The following IL23R variants were observed in gnomAD, a reference collection of about 807,000 sequenced individuals.
The protein encoded by IL23R is interleukin 23 receptor.
Under a neutral mutation model 56.9 loss-of-function variants are expected in IL23R, and 34 were observed. That is an observed-to-expected ratio of 0.60 (90% CI 0.45 to 0.80). The LOEUF (loss-of-function observed/expected upper bound fraction) is 0.80, where lower values mean the gene tolerates loss of function less well. Among genes scored for constraint, IL23R ranks in the 30% least tolerant of loss-of-function variants. The pLI is 0.00. For synonymous variants in IL23R, 230 were observed against 249.2 expected, an observed-to-expected ratio of 0.92 and a Z score of 0.73; for missense variants, 635 against 730.0, an observed-to-expected ratio of 0.87 and a Z score of 1.50.
chr1:67,265,737 G>T, the IL23R span, among the ~76,000 whole-genome samples: 3 of 152,130 alleles, frequency 2.0e-5, no homozygotes, highest in Admixed American at 2.0e-4. Context: ...CAGAAAGGAA[G>T]ATAAAATCAT....
At chr1:67,144,873 A>G (rs751370151) in intron 1 of IL23R, among the ~76,000 whole-genome samples, 1 of 152,146 alleles carries the variant, frequency 6.6e-6, no homozygotes, top group Non-Finnish European at 1.5e-5. Context: ...ACTCTGATCT[A>G]TCTCTGAAAC....
At chr1:67,161,609 CTA>C (rs143977358), upstream of IL23R, among the ~76,000 whole-genome samples, 3 of 149,100 alleles carry the variant, frequency 2.0e-5, no homozygotes, top group Non-Finnish European at 3.0e-5. Context: ...AATTAAAATA[CTA>C]TATATATATA....
chr1:67,207,534 C>T (rs924552573), intron 6 of IL23R: 3 of 308,802 alleles, frequency 9.7e-6, no homozygotes, highest in African/African-American at 6.7e-5. Context: ...GGAGGCCAGT[C>T]TTTCCCACAC....
Position 67,217,731 on chromosome 1 carries a change from G to C in IL23R, c.799-1843G>C, listed in dbSNP as rs949614164. 2.7e-5 allele frequency among the ~76,000 whole-genome samples: 4 copies of C among 146,974 alleles called. No homozygotes were observed. In the East Asian group the frequency reaches 8.3e-4, roughly 31 times the overall value. On this transcript the variant is annotated intron_variant, in intron 6 of 10. Transcript: ENST00000347310. ...CAGAGTTTGAAAAATATCATTCAGA[G>C]TTTCCATAAGCCATGTCTCAATAGA...
At chr1:67,154,911 T>C (rs566200743) in intron 1 of IL23R, among the ~76,000 whole-genome samples, 3 of 152,226 alleles carry the variant, frequency 2.0e-5, no homozygotes, top group Non-Finnish European at 4.4e-5. Context: ...TGGCATGTTT[T>C]TGTAGTGGCT....
intron 9 of IL23R, among the ~76,000 whole-genome samples, chr1:67,244,718 T>C (rs761396665): frequency 1.3e-4 from 20 of 152,302 alleles, no homozygotes; most frequent in Admixed American, 2.6e-4. Flanking sequence ...ACTGTAACCT[T>C]GTAGTATAGT....
At chr1:67,166,107 G>C (rs1044632516), upstream of IL23R, among the ~76,000 whole-genome samples, 1 of 152,078 alleles carries the variant, frequency 6.6e-6, no homozygotes, top group African/African-American at 2.4e-5. Flanking sequence ...TTTCAACAAA[G>C]CTGGAAAACT....
chr1:67,242,083 C>T (rs1363685396), intron 9 of IL23R, among the ~76,000 whole-genome samples: 1 of 152,194 alleles, frequency 6.6e-6, no homozygotes, highest in Non-Finnish European at 1.5e-5. Flanking sequence ...TAGAACCTAT[C>T]ATGAGGGATA....
chr1:67,180,002 G>T (rs879211760), intron 3 of IL23R, among the ~76,000 whole-genome samples: 2 of 152,032 alleles, frequency 1.3e-5, no homozygotes, highest in Non-Finnish European at 2.9e-5. Flanking sequence ...TAGAATTTCT[G>T]TTTTTTTACA....
At chr1:67,255,115 A>G (rs1185570995) in intron 9 of IL23R, among the ~76,000 whole-genome samples, 1 of 152,210 alleles carries the variant, frequency 6.6e-6, no homozygotes, top group Non-Finnish European at 1.5e-5. Context: ...ATTATATAAC[A>G]TTCTCTTTTT....
intron 4 of IL23R, among the ~76,000 whole-genome samples, chr1:67,195,159 AG>A (rs1431012509): frequency 5.9e-5 from 9 of 152,112 alleles, no homozygotes; most frequent in African/African-American, 1.9e-4. Flanking sequence ...CAGCTTCCTG[AG>A]TAGCTGGGAG....
At position 67,182,844 on chromosome 1, in the gene IL23R, G is replaced by C. The variant is rs780271790; in HGVS notation, c.376G>C (p.Asp126His). The C allele has an allele frequency of 9.3e-6, 15 of 1,613,922 alleles. No homozygotes were observed. Among genetic ancestry groups the C allele is most frequent in the African/African-American group, 1.3e-5 (1 of 74,938 alleles). ...GKDISSGYPP[D>H]IPDEVTCVIY... ...GTTATGTTTTGTTGCAGATCCGCCA[G>C]ATATTCCTGATGAAGTAACCTGTGT... The change falls in exon 4 of 11, where the codon GAT becomes CAT. Residue 126 changes from aspartate (D) to histidine (H), a missense_variant. By Grantham distance (81) the Asp-to-His change is moderately conservative (BLOSUM62 -1). Coordinates refer to ENST00000347310, the MANE Select transcript of IL23R (RefSeq NM_144701.3).
Position 67,158,806 on chromosome 1 carries a change from G to A in IL23R, c.-633-9286G>A, listed in dbSNP as rs553054983. Among the ~76,000 whole-genome samples, 29 of 151,988 alleles carry A rather than the reference G, an allele frequency of 1.9e-4. No homozygotes were observed. In the South Asian group the frequency reaches 5.4e-3, roughly 28 times the overall value. ...TGAAATTGGAGGAGGGGCCTGGTGG[G>A]AGATGATTGGATCATGGGGGCAGAT... On this transcript the variant is annotated intron_variant, in intron 1 of 10. Transcript: ENST00000637002.
intron 1 of IL23R, among the ~76,000 whole-genome samples, chr1:67,152,214 C>G (rs1646734649): frequency 6.6e-6 from 1 of 152,074 alleles, no homozygotes; most frequent in East Asian, 1.9e-4. Flanking sequence ...ATTTTATTAC[C>G]TTTGCAGCAT....
At chr1:67,150,496 C>T (rs1646718334) in intron 1 of IL23R, among the ~76,000 whole-genome samples, 1 of 151,830 alleles carries the variant, frequency 6.6e-6, no homozygotes, top group African/African-American at 2.4e-5. Context: ...CGCTCAACTC[C>T]CACTTATGAG....
chr1:67,190,092 T>C (rs1023810227), intron 4 of IL23R, among the ~76,000 whole-genome samples: 9 of 152,326 alleles, frequency 5.9e-5, no homozygotes, highest in Admixed American at 1.3e-4. Context: ...ATTTTCCACA[T>C]TGGTAACTAG....
intron 1 of IL23R, among the ~76,000 whole-genome samples, chr1:67,157,574 C>T (rs1033347496): frequency 9.2e-5 from 14 of 152,198 alleles, no homozygotes; most frequent in African/African-American, 3.1e-4. Context: ...CTTCCCACAC[C>T]GGCCTCCATA....
intron 7 of IL23R, among the ~76,000 whole-genome samples, chr1:67,235,556 G>T (rs770814905): frequency 6.6e-6 from 1 of 151,940 alleles, no homozygotes; most frequent in African/African-American, 2.4e-5. Context: ...ACCATACCTG[G>T]CTAATTTTTG....
At chr1:67,153,891 G>A (rs1380327086) in intron 1 of IL23R, among the ~76,000 whole-genome samples, 1 of 151,958 alleles carries the variant, frequency 6.6e-6, no homozygotes, top group Non-Finnish European at 1.5e-5. Context: ...TCAGTCTCCC[G>A]AGTAGCTGGG....
Sources: allele counts gnomAD v4.1 joint callset (sites outside exome capture counted in the v4.1 genomes callset), GRCh38; gene constraint gnomAD v4.1.1; transcripts MANE v1.5; gene names NCBI Gene and HGNC (gene_info 2026-07-23, HGNC 2026-07-21).